The following XPOT variants were observed in gnomAD, a reference collection of about 807,000 sequenced individuals.
The protein encoded by XPOT is exportin for tRNA.
In XPOT, 34 loss-of-function variants were observed where a neutral mutation model predicts 128.2. That is an observed-to-expected ratio of 0.27 (90% confidence interval 0.20 to 0.35). XPOT has a LOEUF of 0.35. Ranked by LOEUF, XPOT falls within the 10% of genes least tolerant of loss-of-function variation. The pLI is 1.00. For missense variants in XPOT, 838 were observed against 1,125.3 expected (o/e 0.74, Z 3.65); for synonymous variants, 348 against 394.3 (o/e 0.88, Z 1.39).
chr12:64,448,359 C>T lies in XPOT; in HGVS notation c.*228C>T, dbSNP rs2040381957. ...CCAAATTGTTCTGTATAAAGATGCT[C>T]TTAAAAGACACAAGAGTTATCCTAG... On this transcript the variant is annotated 3_prime_UTR_variant, in exon 25 of 25. Transcript: ENST00000332707. 6 of 510,152 alleles carry T rather than the reference C, an allele frequency of 1.2e-5. No homozygotes were observed. The highest frequency in any genetic ancestry group is 2.1e-5 in the Non-Finnish European group (6 of 286,486). The allele number at this position is 510,152 out of a possible 1,614,324, so 31.6% of individuals were successfully genotyped here.
At position 64,448,176 on chromosome 12, in the gene XPOT, T is replaced by A; in HGVS notation, c.*45T>A. 6.2e-7 allele frequency: 1 copy of A among 1,605,438 alleles called. No individual in the cohort carries two copies. The highest frequency in any genetic ancestry group is 1.1e-5 in the South Asian group (1 of 90,880). On this transcript the variant is annotated 3_prime_UTR_variant, in exon 25 of 25. Coordinates refer to ENST00000332707, the MANE Select transcript of XPOT (RefSeq NM_007235.6). The stretch of plus-strand genomic sequence containing the variant: ...CTACTTCATGATCATGAATTCCAGT[T>A]AATTTATAAAGAGGCGATTTTTGTG...
rs1180807882 is a variant in XPOT, at chr12:64,449,648, C to G, written c.*1517C>G. 6.6e-6 allele frequency: 1 copy of G among 152,112 alleles called. No homozygotes were observed. Among genetic ancestry groups the G allele is most frequent in the Admixed American group, 6.5e-5 (1 of 15,276 alleles). The allele number at this position is 152,112 out of a possible 1,614,324, so 9.4% of individuals were successfully genotyped here. A position where few individuals can be genotyped will look rare whatever the true frequency, so the allele number is the denominator to read the frequency against. On this transcript the variant is annotated 3_prime_UTR_variant, in exon 25 of 25. Transcript: ENST00000332707. The stretch of plus-strand genomic sequence containing the variant: ...TCCAGAAGACATTTCAAACATTTTT[C>G]TTACACCATATAATAAAAATACTTA...
At chr12:64,427,709 T>A (rs1403999151) in intron 15 of XPOT, among the ~76,000 whole-genome samples, 2 of 151,994 alleles carry the variant, frequency 1.3e-5, no homozygotes, top group African/African-American at 4.8e-5. Flanking sequence ...CCCAGCCTGG[T>A]CTCAAATTCT....
Position 64,430,033 on chromosome 12 carries a change from C to T in XPOT, c.1738-16C>T. Reference sequence around the variant, plus strand: ...TCAAAAAATAAAAGCTTTAATAAGACTGAATTTCATTCTAGGAGAATGGCC... The same window carrying T: ...TCAAAAAATAAAAGCTTTAATAAGATTGAATTTCATTCTAGGAGAATGGCC... On this transcript the variant is annotated splice_polypyrimidine_tract_variant and intron_variant, in intron 16 of 24. Transcript: ENST00000332707. 1.3e-6 allele frequency: 2 copies of T among 1,550,466 alleles called. No homozygotes were observed. Among genetic ancestry groups the T allele is most frequent in the Non-Finnish European group, 1.7e-6 (2 of 1,153,262 alleles).
chr12:64,417,294 A>C (rs2040096486), intron 4 of XPOT, among the ~76,000 whole-genome samples: 1 of 152,256 alleles, frequency 6.6e-6, no homozygotes, highest in South Asian at 2.1e-4. Context: ...CTATGATCTC[A>C]GCACTTTGGG....
intron 4 of XPOT, 47 bp downstream of exon 4, chr12:64,416,801 A>G (rs2040091850): frequency 1.4e-6 from 2 of 1,476,712 alleles, no homozygotes; most frequent in Non-Finnish European, 1.9e-6. Context: ...GGGAGAGGTC[A>G]TTTTTTTAAT....
rs575269287 is a variant in XPOT at position 64,444,336 on chromosome 12, T to A, written c.2806-739T>A. Among the ~76,000 whole-genome samples, 4 of 152,354 alleles carry A rather than the reference T, an allele frequency of 2.6e-5. No individual in the cohort carries two copies. In the South Asian group the frequency reaches 8.3e-4, roughly 32 times the overall value. On this transcript the variant is annotated intron_variant, in intron 23 of 24. Transcript: ENST00000332707. ...CAAGTACTGACATTTGAAAATGCTA[T>A]AAACCTCTTGTGGTGAGATACTGTT...
At chr12:64,447,501 G>A (rs953351763) in intron 24 of XPOT, among the ~76,000 whole-genome samples, 11 of 150,574 alleles carry the variant, frequency 7.3e-5, no homozygotes, top group African/African-American at 2.2e-4. Context: ...TTTTTGAGAC[G>A]GAGTTTCACT....
chr12:64,431,927 A>G lies in XPOT; in HGVS notation c.2262+104A>G, dbSNP rs1315328460. 8 of 1,205,660 alleles carry G rather than the reference A, an allele frequency of 6.6e-6. No homozygotes were observed. The South Asian group carries it at 1.2e-4, about 18-fold the overall frequency. The allele number at this position is 1,205,660 out of a possible 1,614,324, so 74.7% of individuals were successfully genotyped here. ...CTTGGGTTTCTTTTTTTTTGCTTTT[A>G]ATGAATTACTTAAGAGCCTCATGGA... On this transcript the variant is annotated intron_variant, in intron 18 of 24. Transcript: ENST00000332707.
rs760603268 is a variant in XPOT at position 64,424,671 on chromosome 12, T to G, written c.1255T>G (p.Ser419Ala). The change falls in exon 12 of 25, where the codon TCA (serine) becomes GCA (alanine). Residue 419 changes from serine (S) to alanine (A), a missense_variant. Ser to Ala is a moderately conservative substitution (Grantham distance 99, BLOSUM62 1). Coordinates refer to ENST00000332707, the MANE Select transcript of XPOT (RefSeq NM_007235.6). ...ACTGTTGGACAGGCTTGCTCAAGTTTCACCAGAGTTACTACTGGCCTCTGT... is the reference window on the plus strand; with the variant it reads ...ACTGTTGGACAGGCTTGCTCAAGTTGCACCAGAGTTACTACTGGCCTCTGT... Reference protein sequence around the residue: ...KLLLDRLAQVSPELLLASVRR... With the variant: ...KLLLDRLAQVAPELLLASVRR... The G allele has an allele frequency of 5.6e-6, 9 of 1,612,984 alleles. No individual in the cohort carries two copies. In the South Asian group the frequency reaches 9.9e-5, roughly 18 times the overall value.
intron 15 of XPOT, among the ~76,000 whole-genome samples, chr12:64,427,169 GAGTACAA>G (rs1052886494): frequency 6.7e-6 from 1 of 148,192 alleles, no homozygotes. Flanking sequence ...GCCCAGGCTG[GAGTACAA>G]TGGCATGATC....
At chr12:64,422,902 C>CAAAAAAA in intron 9 of XPOT, 103 bp from the exon 10 acceptor site, 2 of 869,514 alleles carry the variant, frequency 2.3e-6, no homozygotes, top group Non-Finnish European at 3.3e-6. Flanking sequence ...GACCTTGTCT[C>CAAAAAAA]AAAAAAAAAA....
At chr12:64,435,095 A>G (rs375319346) in intron 21 of XPOT, among the ~76,000 whole-genome samples, 186 bp downstream of exon 21, 4 of 152,112 alleles carry the variant, frequency 2.6e-5, no homozygotes, top group African/African-American at 4.8e-5. Flanking sequence ...TTGAATCCCA[A>G]TGCTACTGCT....
intron 2 of XPOT, 47 bp downstream of exon 2, chr12:64,410,142 G>A (rs1488013638): frequency 1.9e-6 from 3 of 1,561,480 alleles, no homozygotes; most frequent in African/African-American, 1.4e-5. Flanking sequence ...ACCACAGATT[G>A]GCATTAGAGG....
At chr12:64,406,282 G>A (rs1165309985) in intron 1 of XPOT, among the ~76,000 whole-genome samples, 1 of 151,708 alleles carries the variant, frequency 6.6e-6, no homozygotes, top group African/African-American at 2.4e-5. Flanking sequence ...CACCGTGTTG[G>A]TCAGGCTGGT....
At chr12:64,409,747 C>A in intron 1 of XPOT, 2 of 310,714 alleles carry the variant, frequency 6.4e-6, no homozygotes, top group Non-Finnish European at 5.9e-6. Flanking sequence ...AAAAAAAAAT[C>A]AGATTTTTAG....
chr12:64,441,305 C>T (rs1304718011), intron 23 of XPOT, among the ~76,000 whole-genome samples: 1 of 152,198 alleles, frequency 6.6e-6, no homozygotes, highest in African/African-American at 2.4e-5. Flanking sequence ...GAGAGGGTCT[C>T]ACTCTGTTGT....
At chr12:64,410,175 CA>C in intron 2 of XPOT, 80 bp downstream of exon 2, 3 of 1,347,420 alleles carry the variant, frequency 2.2e-6, no homozygotes, top group Non-Finnish European at 3.1e-6. Context: ...ATGCACCTGG[CA>C]AAAGTTTACT....
intron 3 of XPOT, among the ~76,000 whole-genome samples, chr12:64,415,436 G>A (rs572493684): frequency 1.3e-5 from 2 of 151,924 alleles, no homozygotes; most frequent in South Asian, 2.1e-4. Flanking sequence ...GTGCAGTGGC[G>A]CAATCTAGGC....
Sources: gnomAD v4.1 joint callset for allele counts (sites outside exome capture counted in the v4.1 genomes callset) on GRCh38, gnomAD v4.1.1 for gene constraint, MANE v1.5 for transcripts, NCBI Gene and HGNC (gene_info 2026-07-23, HGNC 2026-07-21) for gene names.